The following TBC1D19 variants were observed in gnomAD, a reference collection of about 807,000 sequenced individuals.
TBC1D19 encodes TBC1 domain family member 19, also known as TBC1 domain family, member 19.
In TBC1D19, 60 loss-of-function variants were observed where a neutral mutation model predicts 89.0. The observed-to-expected ratio is 0.67, with a 90% CI of 0.55 to 0.84. TBC1D19 has a LOEUF of 0.84. Among genes scored for constraint, TBC1D19 ranks in the 40% least tolerant of loss-of-function variants. The pLI is 0.00. For synonymous variants in TBC1D19, 189 were observed against 199.7 expected (o/e 0.95, Z 0.45); for missense variants, 500 against 610.8 (o/e 0.82, Z 1.91).
chr4:26,589,985 T>C (rs2109944893), intron 1 of TBC1D19, among the ~76,000 whole-genome samples: 1 of 152,350 alleles, frequency 6.6e-6, no homozygotes, highest in South Asian at 2.1e-4. Context: ...CATAGACCTA[T>C]GGAAAAGACT....
chr4:26,599,190 A>T (rs1211150963), intron 1 of TBC1D19, among the ~76,000 whole-genome samples: 2 of 152,218 alleles, frequency 1.3e-5, no homozygotes, highest in Non-Finnish European at 2.9e-5. Flanking sequence ...AGAATCTGTG[A>T]TACCAACTTT....
chr4:26,815,024 A>G, the TBC1D19 span, among the ~76,000 whole-genome samples: 1 of 151,654 alleles, frequency 6.6e-6, no homozygotes, highest in Non-Finnish European at 1.5e-5. Context: ...CTTGTCTCAA[A>G]AAAAAAAAAA....
At chr4:26,680,721 T>G (rs575600076) in intron 11 of TBC1D19, among the ~76,000 whole-genome samples, 2 of 152,342 alleles carry the variant, frequency 1.3e-5, no homozygotes, top group African/African-American at 2.4e-5. Context: ...TTTTAGTTCT[T>G]ATACCTACAG....
chr4:26,753,731 C>T (rs1345847950), intron 19 of TBC1D19, 89 bp from the exon 20 acceptor site: 88 of 1,388,994 alleles, frequency 6.3e-5, no homozygotes, highest in East Asian at 6.9e-5. Context: ...TCTGAGTTTC[C>T]GTGCAGTGGA....
Position 26,594,397 on chromosome 4 carries a change from G to A in TBC1D19, c.99+10105G>A, listed in dbSNP as rs1366609263. The stretch of plus-strand genomic sequence containing the variant: ...GGAGATATACCTAATGTTAAATGAC[G>A]AGTTAATGGGTGCAGCATACCAAAA... On this transcript the variant is annotated intron_variant, in intron 1 of 20. Transcript: ENST00000264866. Among the ~76,000 whole-genome samples the A allele has an allele frequency of 6.6e-5, 10 of 151,912 alleles. No homozygotes were observed. In the East Asian group the frequency reaches 7.7e-4, roughly 12 times the overall value.
intron 13 of TBC1D19, among the ~76,000 whole-genome samples, chr4:26,708,222 A>G (rs1715884601): frequency 6.6e-6 from 1 of 152,060 alleles, no homozygotes; most frequent in Admixed American, 6.6e-5. Flanking sequence ...TCACTTTTGA[A>G]GGACAGTTTG....
chr4:26,728,836 A>G (rs1019214111), intron 15 of TBC1D19, among the ~76,000 whole-genome samples: 39 of 151,380 alleles, frequency 2.6e-4, no homozygotes, highest in African/African-American at 9.0e-4. Context: ...ATATGGTGAA[A>G]CCCCGTCTCT....
Position 26,610,183 on chromosome 4 carries a change from A to AT in TBC1D19, c.100-2980dup, listed in dbSNP as rs568279275. The stretch of plus-strand genomic sequence containing the variant: ...GAGAGAAAGTATAGATTGGGAGGAC[A>AT]TTTTTTCCTGTCTTTTTTGAAACTT... On this transcript the variant is annotated intron_variant, in intron 1 of 20. Coordinates refer to ENST00000264866, the MANE Select transcript of TBC1D19 (RefSeq NM_018317.4). Among the ~76,000 whole-genome samples, 50 of 151,928 alleles carry AT rather than the reference A, an allele frequency of 3.3e-4. No homozygotes were observed. The South Asian group carries it at 8.1e-3, about 25-fold the overall frequency.
intron 9 of TBC1D19, among the ~76,000 whole-genome samples, chr4:26,667,596 T>C (rs534669137): frequency 1.2e-4 from 19 of 152,020 alleles, no homozygotes; most frequent in Non-Finnish European, 2.4e-4. Flanking sequence ...TATTCTACGG[T>C]TGATAAATAT....
chr4:26,800,120 A>C, the TBC1D19 span, among the ~76,000 whole-genome samples: 3 of 152,120 alleles, frequency 2.0e-5, no homozygotes, highest in Non-Finnish European at 2.9e-5. Flanking sequence ...CTCGTCATTT[A>C]GCATTAGGTA....
the TBC1D19 span, among the ~76,000 whole-genome samples, chr4:26,777,268 G>T: frequency 6.6e-6 from 1 of 151,726 alleles, no homozygotes; most frequent in African/African-American, 2.4e-5. Context: ...CTGAGTAGCT[G>T]GGATTACAGG....
At chr4:26,684,517 C>T (rs576225088) in intron 12 of TBC1D19, among the ~76,000 whole-genome samples, 3 of 152,144 alleles carry the variant, frequency 2.0e-5, no homozygotes, top group Non-Finnish European at 2.9e-5. Context: ...GCTCAGGTTA[C>T]GTGACCTTCA....
chr4:26,706,659 A>C (rs1303830005), intron 13 of TBC1D19, among the ~76,000 whole-genome samples: 1 of 152,144 alleles, frequency 6.6e-6, no homozygotes, highest in Admixed American at 6.6e-5. Flanking sequence ...TTTTTAATCT[A>C]AGCCTCTATA....
intron 1 of TBC1D19, among the ~76,000 whole-genome samples, chr4:26,601,344 G>A (rs13138699): frequency 0.46 from 69,338 of 152,018 alleles, 17,575 homozygotes; most frequent in Admixed American, 0.6. Context: ...GTTCATTCAT[G>A]TTGTAGTGTG....
At chr4:26,706,377 C>T (rs560634919) in intron 13 of TBC1D19, among the ~76,000 whole-genome samples, 3 of 152,032 alleles carry the variant, frequency 2.0e-5, no homozygotes, top group South Asian at 4.2e-4. Context: ...TGGTAATATT[C>T]GCAGTTTCAT....
intron 14 of TBC1D19, 98 bp from the exon 15 acceptor site, chr4:26,719,983 T>C: frequency 2.1e-6 from 2 of 975,588 alleles, no homozygotes; most frequent in Non-Finnish European, 3.0e-6. Flanking sequence ...TTATAGTAGT[T>C]TTTAAAATTC....
At chr4:26,824,716 T>C in the TBC1D19 span, among the ~76,000 whole-genome samples, 1 of 152,224 alleles carries the variant, frequency 6.6e-6, no homozygotes, top group Non-Finnish European at 1.5e-5. Context: ...TTCTTAGTAT[T>C]ATGAACATCT....
intron 19 of TBC1D19, among the ~76,000 whole-genome samples, chr4:26,749,063 C>T (rs1718803405): frequency 6.6e-6 from 1 of 152,068 alleles, no homozygotes. Flanking sequence ...CCCTTTTATT[C>T]TCTCAGGCCA....
At chr4:26,622,975 T>C (rs1742156065) in intron 4 of TBC1D19, among the ~76,000 whole-genome samples, 1 of 152,192 alleles carries the variant, frequency 6.6e-6, no homozygotes, top group Non-Finnish European at 1.5e-5. Context: ...CTGAGCTAAT[T>C]GATTCTTTAA....
Sources: gnomAD v4.1 joint callset for allele counts (sites outside exome capture counted in the v4.1 genomes callset) on GRCh38, gnomAD v4.1.1 for gene constraint, MANE v1.5 for transcripts, NCBI Gene and HGNC (gene_info 2026-07-23, HGNC 2026-07-21) for gene names.